The following HEMK1 variants were observed in gnomAD, a reference collection of about 807,000 sequenced individuals.
HEMK1 encodes HemK methyltransferase 1, mitochondrial release factors N(5)-glutamine.
HEMK1 carries 36 observed loss-of-function variants against 47.9 expected under a neutral mutation model. The ratio of observed to expected loss-of-function variants is 0.75; its 90% CI spans 0.58 to 0.99. HEMK1 has a LOEUF of 0.99. Among genes scored for constraint, HEMK1 ranks in the 50% least tolerant of loss-of-function variants. The pLI is 0.00. For missense variants in HEMK1, 383 were observed against 434.5 expected (o/e 0.88, Z 1.05); for synonymous variants, 153 against 165.4 (o/e 0.93, Z 0.57).
At chr3:50,574,912 C>A (rs1352060097) in intron 4 of HEMK1, among the ~76,000 whole-genome samples, 1 of 152,138 alleles carries the variant, frequency 6.6e-6, no homozygotes, top group African/African-American at 2.4e-5. Context: ...GACTTGCCAC[C>A]CTCAGGGTGG....
At position 50,587,662 on chromosome 3, in the gene HEMK1, A is replaced by G. The variant is rs2031471068; in HGVS notation, c.*7245A>G. 1 of 152,282 alleles carries G rather than the reference A, an allele frequency of 6.6e-6. No individual in the cohort carries two copies. Among genetic ancestry groups the G allele is most frequent in the Non-Finnish European group, 1.5e-5 (1 of 68,102 alleles). The allele number at this position is 152,282 out of a possible 1,614,324, so 9.4% of individuals were successfully genotyped here. A position where few individuals can be genotyped will look rare whatever the true frequency, so the allele number is the denominator to read the frequency against. ...GACAAAAGCCTGGAGTTCTGCAGAC[A>G]TGCGGGTAGGGATATGTAGGGGTGA... On this transcript the variant is annotated 3_prime_UTR_variant, in exon 11 of 11. Coordinates refer to ENST00000232854, the MANE Select transcript of HEMK1 (RefSeq NM_016173.5). The surrounding 1 kb of genome is among the most constrained non-coding windows in gnomAD (Gnocchi z 4.2).
intron 4 of HEMK1, among the ~76,000 whole-genome samples, chr3:50,574,663 C>T (rs1437297852): frequency 4.6e-5 from 7 of 152,198 alleles, no homozygotes; most frequent in Admixed American, 4.6e-4. Context: ...AGACCACAGG[C>T]TCTCAGCCAC....
Position 50,589,169 on chromosome 3 carries a change from G to A in HEMK1, c.*8752G>A, listed in dbSNP as rs570624420. ...GTTGTAGTCTTATGTTGGTCTCAAT[G>A]TCCATTTTCTTTCAGTGTTTGATTT... On this transcript the variant is annotated 3_prime_UTR_variant, in exon 11 of 11. Transcript: ENST00000232854. The A allele has an allele frequency of 6.6e-6, 1 of 152,240 alleles. No individual in the cohort carries two copies. The highest frequency in any genetic ancestry group is 1.5e-5 in the Non-Finnish European group (1 of 68,050). 9.4% of individuals were successfully genotyped at this position (152,240 alleles called of 1,614,324 possible). A position where few individuals can be genotyped will look rare whatever the true frequency, so the allele number is the denominator to read the frequency against.
intron 9 of HEMK1, 67 bp downstream of exon 9, chr3:50,580,006 C>CA: frequency 6.6e-7 from 1 of 1,525,740 alleles, no homozygotes; most frequent in Non-Finnish European, 9.1e-7. Flanking sequence ...GTGTACTGGG[C>CA]AGGCCCTGGC....
In HEMK1 at chr3:50,580,228, A is replaced by C; in HGVS notation, c.979A>C (p.Arg327=). 6.2e-7 allele frequency: 1 copy of C among 1,613,608 alleles called. No homozygotes were observed. Among genetic ancestry groups the C allele is most frequent in the Admixed American group, 1.7e-5 (1 of 60,008 alleles). Residue 327 remains arginine (R), a splice_region_variant and synonymous_variant, in exon 10 of 11, where the codon AGG becomes CGG. Transcript: ENST00000232854. The part of the protein sequence containing the change: ...LVAVRRDFCG[R]PRFLHIRRSG... The stretch of plus-strand genomic sequence containing the variant: ...GGCTGTGCGCAGGGACTTCTGTGGG[A>C]GGTAAGATCCTAGCCCCCTTTAGCC...
At chr3:50,571,948 A>G (rs1313006606) in intron 3 of HEMK1, 147 bp downstream of exon 3, 2 of 1,264,578 alleles carry the variant, frequency 1.6e-6, no homozygotes, top group Non-Finnish European at 2.2e-6. Flanking sequence ...GGGCCGGGGT[A>G]CTGAATAGGA....
chr3:50,582,325 CT>C lies in HEMK1; in HGVS notation c.*1910del, dbSNP rs1232356076. ...ACTTTCTGCCCAGAAAAATGTGCAG[CT>C]TGACTCTGCTGAGGAAAAGGTCCAA... On this transcript the variant is annotated 3_prime_UTR_variant, in exon 11 of 11. Transcript: ENST00000232854. 2 of 152,220 alleles carry C rather than the reference CT, an allele frequency of 1.3e-5. No homozygotes were observed. Among genetic ancestry groups the C allele is most frequent in the Non-Finnish European group, 2.9e-5 (2 of 68,060 alleles). The allele number at this position is 152,220 out of a possible 1,614,324, so 9.4% of individuals were successfully genotyped here.
chr3:50,587,385 T>C lies in HEMK1; in HGVS notation c.*6968T>C, dbSNP rs961514765. On this transcript the variant is annotated 3_prime_UTR_variant, in exon 11 of 11. Coordinates refer to ENST00000232854, the MANE Select transcript of HEMK1 (RefSeq NM_016173.5). The surrounding 1 kb of genome is among the most constrained non-coding windows in gnomAD (Gnocchi z 4.2). ...ACCAAGTGGAGGGTCCTATAGAATATGGTGCATCCTGCGCCAAGTACTTCC... is the reference window on the plus strand; with the variant it reads ...ACCAAGTGGAGGGTCCTATAGAATACGGTGCATCCTGCGCCAAGTACTTCC... The C allele has an allele frequency of 2.0e-5, 3 of 152,356 alleles. No homozygotes were observed. The highest frequency in any genetic ancestry group is 4.4e-5 in the Non-Finnish European group (3 of 68,074). The allele number at this position is 152,356 out of a possible 1,614,324, so 9.4% of individuals were successfully genotyped here. A position where few individuals can be genotyped will look rare whatever the true frequency, so the allele number is the denominator to read the frequency against.
Position 50,588,961 on chromosome 3 carries a change from A to G in HEMK1, c.*8544A>G, listed in dbSNP as rs2031570015. 6.6e-6 allele frequency: 1 copy of G among 152,208 alleles called. No individual in the cohort carries two copies. Among genetic ancestry groups the G allele is most frequent in the Non-Finnish European group, 1.5e-5 (1 of 68,042 alleles). 9.4% of individuals were successfully genotyped at this position (152,208 alleles called of 1,614,324 possible). On this transcript the variant is annotated 3_prime_UTR_variant, in exon 11 of 11. Coordinates refer to ENST00000232854, the MANE Select transcript of HEMK1 (RefSeq NM_016173.5). ...AGCCCGCCTGTCTCAGCCCCCCAGA[A>G]CTTTGGAGCTCATTCTTTCAAAGTA...
rs2031519390 is a variant in HEMK1, at chr3:50,588,371, G to C, written c.*7954G>C. 1.3e-5 allele frequency: 2 copies of C among 152,244 alleles called. No homozygotes were observed. Among genetic ancestry groups the C allele is most frequent in the South Asian group, 4.1e-4 (2 of 4,838 alleles). 9.4% of individuals were successfully genotyped at this position (152,244 alleles called of 1,614,324 possible). A position where few individuals can be genotyped will look rare whatever the true frequency, so the allele number is the denominator to read the frequency against. On this transcript the variant is annotated 3_prime_UTR_variant, in exon 11 of 11. Coordinates refer to ENST00000232854, the MANE Select transcript of HEMK1 (RefSeq NM_016173.5). ...CTGGCCATGCTGGAGTTTGAACCTA[G>C]TCCTCTGACATCCCAGTCAGGAGAG... is the stretch of plus-strand genomic sequence containing the variant.
Position 50,577,889 on chromosome 3 carries a change from C to T in HEMK1, c.664+14C>T. 3 of 1,613,146 alleles carry T rather than the reference C, an allele frequency of 1.9e-6. No homozygotes were observed. The highest frequency in any genetic ancestry group is 2.5e-6 in the Non-Finnish European group (3 of 1,179,104). On this transcript the variant is annotated intron_variant, in intron 7 of 10. Transcript: ENST00000232854. ...ACATGACCTCAGGTACCCTCCCCTGCATGTTCCTTGAGAGAGGGAGACTAG... is the reference window on the plus strand; with the variant it reads ...ACATGACCTCAGGTACCCTCCCCTGTATGTTCCTTGAGAGAGGGAGACTAG...
At chr3:50,575,920 G>C (rs920292500) in intron 4 of HEMK1, among the ~76,000 whole-genome samples, 11 of 152,210 alleles carry the variant, frequency 7.2e-5, no homozygotes, top group African/African-American at 2.7e-4. Context: ...ACCCTATGTT[G>C]GTTTACAGGC....
rs1403259024 is a variant in HEMK1 at position 50,593,132 on chromosome 3, C to T, written c.*12715C>T. On this transcript the variant is annotated 3_prime_UTR_variant, in exon 11 of 11. Coordinates refer to ENST00000232854, the MANE Select transcript of HEMK1 (RefSeq NM_016173.5). Reference sequence around the variant, plus strand: ...CTTTACCCCATGAGCTCTGAACCCTCTCACTATCTGGCTGTCCCCTCATTC... The same window carrying T: ...CTTTACCCCATGAGCTCTGAACCCTTTCACTATCTGGCTGTCCCCTCATTC... The T allele has an allele frequency of 6.6e-6, 1 of 152,212 alleles. No individual in the cohort carries two copies. The highest frequency in any genetic ancestry group is 2.4e-5 in the African/African-American group (1 of 41,420). The allele number at this position is 152,212 out of a possible 1,614,324, so 9.4% of individuals were successfully genotyped here.
Position 50,571,350 on chromosome 3 carries a change from CAA to C in HEMK1, c.228+19_228+20del, listed in dbSNP as rs1559452583. On this transcript the variant is annotated intron_variant, in intron 2 of 10. Transcript: ENST00000232854. ...CCAAAACAGTTAAGTTTAGTGTTGT[CAA>C]GAGGACAGGAAGAGGGAGGAGGGAG... 1 of 1,539,478 alleles carries C rather than the reference CAA, an allele frequency of 6.5e-7. No individual in the cohort carries two copies. The highest frequency in any genetic ancestry group is 8.8e-7 in the Non-Finnish European group (1 of 1,133,560).
intron 1 of HEMK1, chr3:50,569,941 A>G (rs1028188495): frequency 2.0e-5 from 3 of 152,140 alleles, no homozygotes. Context: ...ACTGGGTTCA[A>G]GCAGTTCTCC....
chr3:50,572,342 CCT>C (rs1275033209), intron 4 of HEMK1, 134 bp downstream of exon 4: 2 of 862,400 alleles, frequency 2.3e-6, no homozygotes, highest in Non-Finnish European at 3.6e-6. Flanking sequence ...ACATGTATTT[CCT>C]CTCTGACTGT....
rs1456293849 is a variant in HEMK1 at position 50,588,476 on chromosome 3, C to CA, written c.*8060dup. The CA allele has an allele frequency of 3.3e-5, 5 of 152,280 alleles. No individual in the cohort carries two copies. Among genetic ancestry groups the CA allele is most frequent in the Non-Finnish European group, 7.3e-5 (5 of 68,074 alleles). The allele number at this position is 152,280 out of a possible 1,614,324, so 9.4% of individuals were successfully genotyped here. On this transcript the variant is annotated 3_prime_UTR_variant, in exon 11 of 11. Coordinates refer to ENST00000232854, the MANE Select transcript of HEMK1 (RefSeq NM_016173.5). ...GGCCTCAGGAGCCAGTTAGGTGCCC[C>CA]ACAGCCAACGTGGGCTCCAGGGTGA...
In HEMK1 at chr3:50,591,978, A is replaced by T. The variant is rs888512167; in HGVS notation, c.*11561A>T. On this transcript the variant is annotated 3_prime_UTR_variant, in exon 11 of 11. Coordinates refer to ENST00000232854, the MANE Select transcript of HEMK1 (RefSeq NM_016173.5). Reference sequence around the variant, plus strand: ...TAGCTGGGCGTAGTGGCGGGTGCCTATAATCCCAGCTACTCAGGAGGCTGA... The same window carrying T: ...TAGCTGGGCGTAGTGGCGGGTGCCTTTAATCCCAGCTACTCAGGAGGCTGA... The T allele has an allele frequency of 2.0e-5, 3 of 151,166 alleles. No homozygotes were observed. Among genetic ancestry groups the T allele is most frequent in the African/African-American group, 7.3e-5 (3 of 41,110 alleles). 9.4% of individuals were successfully genotyped at this position (151,166 alleles called of 1,614,324 possible).
chr3:50,571,279 G>A lies in HEMK1; in HGVS notation c.175G>A (p.Glu59Lys), dbSNP rs1227889748. The part of the protein sequence containing the change: ...TGVFEKRGIP[E>K]ARESSEYIVA... ...GGTCTTTGAGAAGAGGGGTATCCCT[G>A]AGGCCCGGGAATCCAGTGAGTACAT... The change falls in exon 2 of 11, where the codon GAG becomes AAG. Residue 59 changes from glutamate to lysine, a missense_variant. Coordinates refer to ENST00000232854, the MANE Select transcript of HEMK1 (RefSeq NM_016173.5). 2 of 1,612,466 alleles carry A rather than the reference G, an allele frequency of 1.2e-6. No homozygotes were observed. The highest frequency in any genetic ancestry group is 1.7e-6 in the Non-Finnish European group (2 of 1,179,184).
Sources: gnomAD v4.1 joint callset for allele counts (sites outside exome capture counted in the v4.1 genomes callset) on GRCh38, gnomAD v4.1.1 for gene constraint, Gnocchi (gnomAD v3.1) non-coding constraint, MANE v1.5 for transcripts, NCBI Gene and HGNC (gene_info 2026-07-23, HGNC 2026-07-21) for gene names.